RNF213: variants seen among roughly 807,000 people sequenced by gnomAD.
RNF213 encodes E3 ubiquitin-protein ligase RNF213.
RNF213 carries 341 observed loss-of-function variants against 514.4 expected under a neutral mutation model. That is an observed-to-expected ratio of 0.66 (90% CI 0.61 to 0.73). The LOEUF (loss-of-function observed/expected upper bound fraction) is 0.73, where lower values mean the gene tolerates loss of function less well. Ranked by LOEUF, RNF213 falls within the 30% of genes least tolerant of loss-of-function variation. RNF213 has a pLI of 0.00. For missense variants in RNF213, 5,767 were observed against 6,615.6 expected, an observed-to-expected ratio of 0.87 and a Z score of 4.45; for synonymous variants, 2,655 against 2,658.2, an observed-to-expected ratio of 1.00 and a Z score of 0.04.
At chr17:80,386,115 T>C (rs2080225200) in intron 61 of RNF213, 135 bp from the exon 62 acceptor site, 1 of 789,294 alleles carries the variant, frequency 1.3e-6, no homozygotes, top group Non-Finnish European at 2.2e-6. Context: ...TATCAGCATA[T>C]GAGATGGGGC....
chr17:80,339,068 TTGTGAG>T, intron 25 of RNF213, 127 bp from the exon 26 acceptor site: 1 of 526,876 alleles, frequency 1.9e-6, no homozygotes, highest in South Asian at 4.8e-5. Flanking sequence ...GAGGGAGGCC[TTGTGAG>T]CGCAGATCAT....
At chr17:80,321,803 G>A (rs2046144212) in intron 17 of RNF213, among the ~76,000 whole-genome samples, 4 of 151,648 alleles carry the variant, frequency 2.6e-5, no homozygotes, top group African/African-American at 7.3e-5. Flanking sequence ...GGCTCACTGC[G>A]ACACCTCCAC....
chr17:80,319,487 C>A (rs753107817), intron 17 of RNF213, 175 bp downstream of exon 17: 1 of 1,613,890 alleles, frequency 6.2e-7, no homozygotes, highest in Non-Finnish European at 8.5e-7. Flanking sequence ...CTAGTTCTCT[C>A]CGGATTCCTC....
At position 80,393,547 on chromosome 17, in the gene RNF213, TCTC is replaced by T. The variant is rs1568179270; in HGVS notation, c.*53_*55del. On this transcript the variant is annotated 3_prime_UTR_variant, in exon 68 of 68. Transcript: ENST00000582970. ...GATGACTTTGGAGAGAAGACTCCTC[TCTC>T]CTCGTCTGCGGCGTGGACTTGATCA... is the stretch of plus-strand genomic sequence containing the variant. The T allele has an allele frequency of 3.1e-6, 5 of 1,597,124 alleles. No individual in the cohort carries two copies. The highest frequency in any genetic ancestry group is 2.2e-5 in the East Asian group (1 of 44,724).
intron 46 of RNF213, 142 bp downstream of exon 46, chr17:80,370,009 A>G: frequency 1.4e-6 from 1 of 717,950 alleles, no homozygotes; most frequent in South Asian, 1.4e-5. Flanking sequence ...CAGCCTGGTT[A>G]CTTGTACTGG....
chr17:80,391,760 CT>C (rs779136667), intron 67 of RNF213, among the ~76,000 whole-genome samples: 1,576 of 88,612 alleles, frequency 0.018, 26 homozygotes, highest in African/African-American at 0.06. Flanking sequence ...ATAAACTAGC[CT>C]TTTTTTTTTT....
At chr17:80,306,967 A>G (rs1309344943) in intron 12 of RNF213, among the ~76,000 whole-genome samples, 161 bp from the exon 13 acceptor site, 1 of 152,146 alleles carries the variant, frequency 6.6e-6, no homozygotes, top group Non-Finnish European at 1.5e-5. Flanking sequence ...TTTTATCTGT[A>G]AAAGAGGTAA....
At chr17:80,304,831 T>G (rs2045302588) in intron 11 of RNF213, among the ~76,000 whole-genome samples, 1 of 152,036 alleles carries the variant, frequency 6.6e-6, no homozygotes, top group Admixed American at 6.6e-5. Context: ...CGAACTCAGC[T>G]TCCCCAGCTG....
Position 80,353,234 on chromosome 17 carries a change from G to A in RNF213, c.10423+175G>A, listed in dbSNP as rs558473311. 2.6e-5 allele frequency: 24 copies of A among 917,624 alleles called. No homozygotes were observed. The highest frequency in any genetic ancestry group is 3.4e-5 in the Non-Finnish European group (20 of 595,708). 56.8% of individuals were successfully genotyped at this position (917,624 alleles called of 1,614,324 possible). ...TGGCTCATCATAGAGCACCAGGGCC[G>A]AGCAGGTGCGCTTACCACAGGCTGA... is the stretch of plus-strand genomic sequence containing the variant. On this transcript the variant is annotated intron_variant, in intron 33 of 67. Transcript: ENST00000582970. The surrounding 1 kb of genome is among the most constrained non-coding windows in gnomAD (Gnocchi z 5.0).
chr17:80,352,122 G>A (rs2078545205), intron 32 of RNF213: 1 of 276,306 alleles, frequency 3.6e-6, no homozygotes, highest in South Asian at 4.0e-5. Context: ...CAAAGTGCTG[G>A]GATTACAGGT....
rs1163539689 is a variant in RNF213, at chr17:80,327,908, C to T, written c.3286C>T (p.Leu1096Phe). ...DSVLTKVVGD[L>F]LSGTILVGQL... ...TGTGTTGACGAAAGTTGTTGGTGACCTCCTAAGTGGCACGATTTTAGTTGG... is the reference window on the plus strand; with the variant it reads ...TGTGTTGACGAAAGTTGTTGGTGACTTCCTAAGTGGCACGATTTTAGTTGG... Residue 1096 changes from leucine to phenylalanine, a missense_variant, in exon 19 of 68, where the codon CTC becomes TTC. Transcript: ENST00000582970. 6.5e-7 allele frequency: 1 copy of T among 1,537,256 alleles called. No homozygotes were observed. The highest frequency in any genetic ancestry group is 2.0e-5 in the Admixed American group (1 of 51,004).
intron 15 of RNF213, among the ~76,000 whole-genome samples, chr17:80,315,017 G>A (rs1192261293): frequency 1.4e-4 from 1 of 7,232 alleles, no homozygotes; most frequent in African/African-American, 7.2e-4. Context: ...TGGAGGTACT[G>A]GAGGTGATGG....
chr17:80,345,327 A>T lies in RNF213; in HGVS notation c.6992A>T (p.Asp2331Val). The change falls in exon 29 of 68, where the codon GAT becomes GTT. Residue 2331 changes from aspartate to valine, a missense_variant. Asp to Val is a radical substitution (Grantham distance 152, BLOSUM62 -3). Around this residue, in one of 13 missense-constraint regions of RNF213, gnomAD observed 1,377 missense variants for 1,635.2 expected, o/e 0.84. Coordinates refer to ENST00000582970, the MANE Select transcript of RNF213 (RefSeq NM_001256071.3). This position sits in a 1 kb window ranked among gnomAD's most constrained non-coding sequence, Gnocchi z 6.0. Reference sequence around the variant, plus strand: ...CAGCCCAACATCAACGGCAGTGTCGATGCCATCAGTCACTTGACTGGGAAG... The same window carrying T: ...CAGCCCAACATCAACGGCAGTGTCGTTGCCATCAGTCACTTGACTGGGAAG... ...HLQPNINGSV[D>V]AISHLTGKVI... is the part of the protein sequence containing the mutation. 6.2e-7 allele frequency: 1 copy of T among 1,614,128 alleles called. No individual in the cohort carries two copies.
intron 15 of RNF213, among the ~76,000 whole-genome samples, chr17:80,314,247 CTGGAGGTGATGGTGGTAAAG>C (rs2045741550): frequency 2.2e-5 from 1 of 44,972 alleles, no homozygotes; most frequent in Non-Finnish European, 4.0e-5. Flanking sequence ...GGTGGAGGTA[CTGGAGGTGATGGTGGTAAAG>C]GTGATGGTGG....
In RNF213 at chr17:80,393,363, A is replaced by G. The variant is rs1352351479; in HGVS notation, c.15489A>G (p.Val5163=). 2.5e-6 allele frequency: 4 copies of G among 1,614,012 alleles called. No individual in the cohort carries two copies. In the Admixed American group the frequency reaches 6.7e-5, roughly 27 times the overall value. Residue 5163 remains valine, a synonymous_variant, in exon 68 of 68, where the codon GTA becomes GTG. Transcript: ENST00000582970. ...TTTTCAGCCTGAGAGACACTCTCGTAAGTTACATGCAAACTAAAGAAAGTG... is the reference window on the plus strand; with the variant it reads ...TTTTCAGCCTGAGAGACACTCTCGTGAGTTACATGCAAACTAAAGAAAGTG... ...RPQWSLRDTL[V]SYMQTKESEI... is the part of the protein sequence containing the mutation.
At position 80,393,542 on chromosome 17, in the gene RNF213, T is replaced by G. The variant is rs1405869289; in HGVS notation, c.*44T>G. On this transcript the variant is annotated 3_prime_UTR_variant, in exon 68 of 68. Coordinates refer to ENST00000582970, the MANE Select transcript of RNF213 (RefSeq NM_001256071.3). ...CTTTGGATGACTTTGGAGAGAAGAC[T>G]CCTCTCTCCTCGTCTGCGGCGTGGA... The G allele has an allele frequency of 6.2e-7, 1 of 1,602,064 alleles. No individual in the cohort carries two copies. The highest frequency in any genetic ancestry group is 8.5e-7 in the Non-Finnish European group (1 of 1,171,014).
rs1002692764 is a variant in RNF213, at chr17:80,353,165, G to A, written c.10423+106G>A. 69 of 1,502,050 alleles carry A rather than the reference G, an allele frequency of 4.6e-5. No homozygotes were observed. The highest frequency in any genetic ancestry group is 3.8e-4 in the South Asian group (34 of 88,474). 93.0% of individuals were successfully genotyped at this position (1,502,050 alleles called of 1,614,324 possible). A position where few individuals can be genotyped will look rare whatever the true frequency, so the allele number is the denominator to read the frequency against. On this transcript the variant is annotated intron_variant, in intron 33 of 67. Coordinates refer to ENST00000582970, the MANE Select transcript of RNF213 (RefSeq NM_001256071.3). The surrounding 1 kb of genome is among the most constrained non-coding windows in gnomAD (Gnocchi z 5.0). ...ACTAGGAGCAGGGCCACCGTGTTTC[G>A]TCCCTCGGCAGGAGCTCGGGGACAC...
rs142018990 is a variant in RNF213 at position 80,386,732 on chromosome 17, C to T, written c.14763C>T (p.Ile4921=). The change falls in exon 63 of 68, where the codon ATC becomes ATT. Residue 4921 remains isoleucine, a synonymous_variant. Coordinates refer to ENST00000582970, the MANE Select transcript of RNF213 (RefSeq NM_001256071.3). ...DAAEVTELHV[I]SYEVERDLTP... ...CCGAGGTCACTGAACTGCATGTCAT[C>T]AGTTATGAAGTGGAGCGGGACCTGA... 187 of 1,614,232 alleles carry T rather than the reference C, an allele frequency of 1.2e-4. No individual in the cohort carries two copies. The African/African-American group carries it at 2.3e-3, about 20-fold the overall frequency.
chr17:80,342,513 G>T (rs2078181412), intron 26 of RNF213, among the ~76,000 whole-genome samples: 1 of 150,518 alleles, frequency 6.6e-6, no homozygotes, highest in African/African-American at 2.5e-5. Flanking sequence ...CTTACTCTTT[G>T]TCCTAGCCCT....
Sources: gnomAD v4.1 joint callset for allele counts (sites outside exome capture counted in the v4.1 genomes callset) on GRCh38, gnomAD v4.1.1 for gene constraint, gnomAD v4.1.1 regional missense constraint, Gnocchi (gnomAD v3.1) non-coding constraint, MANE v1.5 for transcripts, NCBI Gene and HGNC (gene_info 2026-07-23, HGNC 2026-07-21) for gene names.